The following UTP6 variants were observed in gnomAD, a reference collection of about 807,000 sequenced individuals.
The protein encoded by UTP6 is UTP6 small subunit processome component.
Under a neutral mutation model 96.5 loss-of-function variants are expected in UTP6, and 60 were observed. That is an observed-to-expected ratio of 0.62 (90% CI 0.51 to 0.77). The LOEUF (loss-of-function observed/expected upper bound fraction) is 0.77. UTP6 is among the 30% of genes least tolerant of loss of function. UTP6 has a pLI of 0.00. For synonymous variants in UTP6, 215 were observed against 240.1 expected, an observed-to-expected ratio of 0.90 and a Z score of 0.96; for missense variants, 637 against 706.5, an observed-to-expected ratio of 0.90 and a Z score of 1.12.
chr17:31,886,066 A>T lies in UTP6; in HGVS notation c.622-5T>A, dbSNP rs1347929425. 1.2e-6 allele frequency: 2 copies of T among 1,611,072 alleles called. No homozygotes were observed. The highest frequency in any genetic ancestry group is 1.7e-6 in the Non-Finnish European group (2 of 1,179,250). On this transcript the variant is annotated splice_region_variant and splice_polypyrimidine_tract_variant and intron_variant, in intron 8 of 18. Transcript: ENST00000261708. ...TTCAGAATAATCAGGATTCTCCTAA[A>T]GAGTGTTATATCAAACGTAACTTAA...
At chr17:31,873,996 A>G (rs1910345790) in intron 14 of UTP6, 1 of 436,076 alleles carries the variant, frequency 2.3e-6, no homozygotes, top group Non-Finnish European at 4.0e-6. Context: ...CAGGAATGGC[A>G]CTCCAGAACA....
At chr17:31,884,147 C>T (rs1911006037) in intron 10 of UTP6, among the ~76,000 whole-genome samples, 1 of 151,678 alleles carries the variant, frequency 6.6e-6, no homozygotes, top group African/African-American at 2.4e-5. Context: ...TACAGGCATG[C>T]ACTACCACGC....
chr17:31,892,090 T>C, intron 6 of UTP6, 170 bp downstream of exon 6: 1 of 633,736 alleles, frequency 1.6e-6, no homozygotes, highest in Non-Finnish European at 2.8e-6. Context: ...TAGTATATAG[T>C]AGGCAGGGGT....
chr17:31,880,483 T>A, intron 11 of UTP6, 90 bp downstream of exon 11: 5 of 1,423,290 alleles, frequency 3.5e-6, no homozygotes, highest in Non-Finnish European at 4.9e-6. Flanking sequence ...ACATCCCCAA[T>A]ATTGATTTTG....
intron 18 of UTP6, 98 bp downstream of exon 18, chr17:31,865,268 C>A (rs1909751070): frequency 7.7e-6 from 10 of 1,295,746 alleles, no homozygotes; most frequent in Non-Finnish European, 9.9e-6. Flanking sequence ...CTGCCTTGGC[C>A]TCCCAAAGTG....
At chr17:31,898,220 TG>T (rs1336147241) in intron 2 of UTP6, among the ~76,000 whole-genome samples, 2 of 152,324 alleles carry the variant, frequency 1.3e-5, no homozygotes, top group East Asian at 3.9e-4. Context: ...TGAACGTTTC[TG>T]GAATTCTTTT....
rs150792711 is a variant in UTP6 at position 31,885,737 on chromosome 17, G to A, written c.703+243C>T. On this transcript the variant is annotated intron_variant, in intron 9 of 18. Coordinates refer to ENST00000261708, the MANE Select transcript of UTP6 (RefSeq NM_018428.3). ...CAGGAAGCAGAGGTTGTGGTGAGCCGAGATCACGCCAATGCACTCCAGCCT... is the reference window on the plus strand; with the variant it reads ...CAGGAAGCAGAGGTTGTGGTGAGCCAAGATCACGCCAATGCACTCCAGCCT... Among the ~76,000 whole-genome samples the A allele has an allele frequency of 4.6e-3, 696 of 152,046 alleles. 2 individuals carry two copies. Among genetic ancestry groups the A allele is most frequent in the African/African-American group, 0.016 (664 of 41,500 alleles).
intron 4 of UTP6, among the ~76,000 whole-genome samples, chr17:31,893,582 T>C (rs1412217867): frequency 6.6e-6 from 1 of 151,240 alleles, no homozygotes; most frequent in Non-Finnish European, 1.5e-5. Context: ...ATACAAAAAT[T>C]AGCCAGGCGC....
At chr17:31,892,449 A>G in intron 5 of UTP6, 126 bp from the exon 6 acceptor site, 1 of 992,298 alleles carries the variant, frequency 1.0e-6, no homozygotes, top group Non-Finnish European at 1.5e-6. Flanking sequence ...ATTGCTAGGG[A>G]TATATAAACG....
intron 2 of UTP6, among the ~76,000 whole-genome samples, chr17:31,896,117 G>A (rs9789008): frequency 5.3e-5 from 8 of 150,476 alleles, no homozygotes; most frequent in African/African-American, 2.0e-4. Flanking sequence ...TCGCTCTGTC[G>A]CCCAGGCTGA....
At chr17:31,884,040 C>T (rs567903151) in intron 10 of UTP6, among the ~76,000 whole-genome samples, 1 of 150,690 alleles carries the variant, frequency 6.6e-6, no homozygotes. Context: ...TGCTTGTCAC[C>T]CAGGCTGGAG....
chr17:31,868,174 C>A, intron 16 of UTP6, 62 bp from the exon 17 acceptor site: 2 of 1,485,070 alleles, frequency 1.3e-6, no homozygotes, highest in Non-Finnish European at 1.9e-6. Context: ...CATCTCATAA[C>A]TGTAAATACC....
chr17:31,870,056 G>T (rs1355711808), intron 16 of UTP6, among the ~76,000 whole-genome samples: 2 of 151,878 alleles, frequency 1.3e-5, no homozygotes, highest in African/African-American at 2.4e-5. Flanking sequence ...TTACCACATT[G>T]TTTTTTTTCC....
intron 18 of UTP6, 39 bp downstream of exon 18, chr17:31,865,327 T>G: frequency 6.2e-7 from 1 of 1,601,144 alleles, no homozygotes; most frequent in East Asian, 2.2e-5. Context: ...AACACTGTTC[T>G]AACCATACTA....
intron 9 of UTP6, 54 bp downstream of exon 9, chr17:31,885,926 T>G (rs1000464406): frequency 6.6e-7 from 1 of 1,513,112 alleles, no homozygotes; most frequent in Non-Finnish European, 9.1e-7. Flanking sequence ...AGATCTTCAT[T>G]AAGAAAAGAA....
At chr17:31,896,348 G>C (rs1048360484) in intron 2 of UTP6, among the ~76,000 whole-genome samples, 6 of 152,020 alleles carry the variant, frequency 3.9e-5, no homozygotes, top group African/African-American at 1.4e-4. Context: ...AAAGTGCTAG[G>C]ATTACAGGCA....
intron 6 of UTP6, 56 bp downstream of exon 6, chr17:31,892,204 C>CA: frequency 6.3e-7 from 1 of 1,581,016 alleles, no homozygotes; most frequent in South Asian, 1.1e-5. Flanking sequence ...AAATAAAATC[C>CA]AAAATGGCTT....
In UTP6 at chr17:31,887,351, CTTTTTAAAA is replaced by C. The variant is rs751061917; in HGVS notation, c.544-47_544-39del. 1.4e-5 allele frequency: 22 copies of C among 1,596,174 alleles called. No individual in the cohort carries two copies. In the South Asian group the frequency reaches 2.4e-4, roughly 18 times the overall value. ...AATAAACTGAAAATCTTTGGAGATGCTTTTTAAAATTTTTTTGAGACAGGGTCTTGCTCT... is the reference window on the plus strand; with the variant it reads ...AATAAACTGAAAATCTTTGGAGATGCTTTTTTTGAGACAGGGTCTTGCTCT... On this transcript the variant is annotated intron_variant, in intron 7 of 18. Transcript: ENST00000261708.
intron 2 of UTP6, among the ~76,000 whole-genome samples, chr17:31,898,473 C>T (rs933651073): frequency 1.3e-5 from 2 of 151,164 alleles, no homozygotes; most frequent in South Asian, 2.1e-4. Context: ...TGCAGTGAGC[C>T]GAGATCGCAC....
Sources: allele counts gnomAD v4.1 joint callset (sites outside exome capture counted in the v4.1 genomes callset), GRCh38; gene constraint gnomAD v4.1.1; transcripts MANE v1.5; gene names NCBI Gene and HGNC (gene_info 2026-07-23, HGNC 2026-07-21).